Variants in RBFOX1 observed in about 807,000 individuals in gnomAD.
RBFOX1 encodes the protein RNA binding protein fox-1 homolog 1.
A neutral mutation model predicts 57.7 loss-of-function variants in RBFOX1; 8 were observed. The observed-to-expected ratio is 0.14, with a 90% CI of 0.08 to 0.25. RBFOX1 has a LOEUF of 0.25. Ranked by LOEUF, RBFOX1 falls within the 10% of genes least tolerant of loss-of-function variation. The pLI, the probability that RBFOX1 is intolerant of heterozygous loss-of-function variation, is 1.00. For synonymous variants in RBFOX1, 326 were observed against 222.4 expected (o/e 1.47, Z -4.15); for missense variants, 611 against 548.5 (o/e 1.11, Z -1.14).
intron 5 of RBFOX1, among the ~76,000 whole-genome samples, chr16:7,550,848 C>T (rs1286855678): frequency 1.3e-5 from 2 of 152,064 alleles, no homozygotes; most frequent in African/African-American, 4.8e-5. Context: ...AATCCGAACG[C>T]TTTGAGAGGC....
intron 1 of RBFOX1, among the ~76,000 whole-genome samples, chr16:5,391,342 A>G (rs2066401996): frequency 6.6e-6 from 1 of 152,024 alleles, no homozygotes; most frequent in Non-Finnish European, 1.5e-5. Flanking sequence ...TTTAGGGGAG[A>G]ATCCATTTCC....
At chr16:7,573,429 G>A (rs973061555) in intron 5 of RBFOX1, among the ~76,000 whole-genome samples, 3 of 152,026 alleles carry the variant, frequency 2.0e-5, no homozygotes, top group Non-Finnish European at 4.4e-5. Context: ...TTACTTTACT[G>A]ACTGCCCTCA....
chr16:7,189,191 C>G (rs557134188), intron 4 of RBFOX1, among the ~76,000 whole-genome samples: 1 of 151,740 alleles, frequency 6.6e-6, no homozygotes, highest in Admixed American at 6.6e-5. Context: ...TTTGGGAGGC[C>G]GACGTAGGTA....
chr16:6,818,989 T>C (rs1039016453), intron 3 of RBFOX1, among the ~76,000 whole-genome samples: 1 of 84,642 alleles, frequency 1.2e-5, no homozygotes. Context: ...TGTCTGAGAA[T>C]CAAACTTGAC....
At chr16:6,728,577 C>T (rs1328579190) in intron 3 of RBFOX1, among the ~76,000 whole-genome samples, 1 of 152,176 alleles carries the variant, frequency 6.6e-6, no homozygotes, top group Non-Finnish European at 1.5e-5. Flanking sequence ...AGCACAATTA[C>T]TCAATATAGG....
At chr16:7,708,600 C>A (rs1276417152) in intron 14 of RBFOX1, among the ~76,000 whole-genome samples, 1 of 152,202 alleles carries the variant, frequency 6.6e-6, no homozygotes, top group Non-Finnish European at 1.5e-5. Context: ...TAACTTCAGA[C>A]AGGTTCACTT....
At chr16:7,086,797 G>T (rs939509009) in intron 4 of RBFOX1, among the ~76,000 whole-genome samples, 3 of 151,906 alleles carry the variant, frequency 2.0e-5, no homozygotes, top group African/African-American at 7.3e-5. Flanking sequence ...CTTAGATTAG[G>T]AAGCCACAGA....
At chr16:5,752,463 A>G (rs1247028620) in intron 3 of RBFOX1, among the ~76,000 whole-genome samples, 1 of 152,224 alleles carries the variant, frequency 6.6e-6, no homozygotes, top group Non-Finnish European at 1.5e-5. Context: ...CACTATTGAA[A>G]CAATCAACTA....
At chr16:7,193,433 A>T (rs2085917285) in intron 4 of RBFOX1, among the ~76,000 whole-genome samples, 1 of 152,172 alleles carries the variant, frequency 6.6e-6, no homozygotes, top group Admixed American at 6.5e-5. Context: ...GAACTATAAG[A>T]TGGGTTGTTT....
intron 4 of RBFOX1, among the ~76,000 whole-genome samples, chr16:5,941,396 G>C (rs1218754357): frequency 6.6e-6 from 1 of 151,684 alleles, no homozygotes; most frequent in East Asian, 1.9e-4. Flanking sequence ...GGGCTAAGGT[G>C]GGTGGATCAC....
Position 7,054,452 on chromosome 16 carries a change from A to G in RBFOX1, c.27+2354A>G, listed in dbSNP as rs377424154. 2.0e-5 allele frequency among the ~76,000 whole-genome samples: 3 copies of G among 147,458 alleles called. No individual in the cohort carries two copies. In the East Asian group the frequency reaches 6.3e-4, roughly 31 times the overall value. On this transcript the variant is annotated intron_variant, in intron 4 of 15. Coordinates refer to ENST00000550418, the MANE Select transcript of RBFOX1 (RefSeq NM_018723.4). ...GAGATGGGGTTTCACCATGTTGGCC[A>G]GGATGGTCTCGATCTCCTGACCTCG... is the stretch of plus-strand genomic sequence containing the variant.
At chr16:5,732,404 A>T (rs1278718483) in intron 3 of RBFOX1, among the ~76,000 whole-genome samples, 1 of 152,222 alleles carries the variant, frequency 6.6e-6, no homozygotes, top group African/African-American at 2.4e-5. Flanking sequence ...ACTCAGGAGC[A>T]AGAAAGCTTA....
At chr16:7,218,983 G>T (rs1361229838) in intron 4 of RBFOX1, among the ~76,000 whole-genome samples, 1 of 152,092 alleles carries the variant, frequency 6.6e-6, no homozygotes, top group Non-Finnish European at 1.5e-5. Context: ...CCAAAAAACT[G>T]CCTGTTACAT....
intron 1 of RBFOX1, among the ~76,000 whole-genome samples, chr16:6,077,075 A>C (rs747146603): frequency 6.6e-6 from 1 of 152,190 alleles, no homozygotes; most frequent in African/African-American, 2.4e-5. Context: ...GTAAGCCTAG[A>C]TGGGTAATCC....
chr16:7,013,980 G>A (rs557702853), intron 3 of RBFOX1, among the ~76,000 whole-genome samples: 32 of 152,174 alleles, frequency 2.1e-4, no homozygotes, highest in Admixed American at 7.2e-4. Flanking sequence ...ACTCTATTCC[G>A]TACGTCAGTA....
chr16:6,194,100 A>G (rs191154456), intron 1 of RBFOX1, among the ~76,000 whole-genome samples: 26 of 152,266 alleles, frequency 1.7e-4, no homozygotes, highest in African/African-American at 6.0e-4. Flanking sequence ...GGAATTCCAC[A>G]TCTGGTCATC....
chr16:6,251,117 T>C (rs17139685), intron 1 of RBFOX1, among the ~76,000 whole-genome samples: 23,274 of 152,140 alleles, frequency 0.15, 1,918 homozygotes, highest in Middle Eastern at 0.29. Flanking sequence ...CAGCTCTTAA[T>C]CTTAATGACC....
At chr16:6,094,276 C>A (rs771786230) in intron 1 of RBFOX1, among the ~76,000 whole-genome samples, 3 of 152,136 alleles carry the variant, frequency 2.0e-5, no homozygotes, top group Non-Finnish European at 4.4e-5. Context: ...AGCCACCGTT[C>A]CAAAGGAAGA....
chr16:6,837,916 C>G (rs1307766442), intron 3 of RBFOX1, among the ~76,000 whole-genome samples: 2 of 152,022 alleles, frequency 1.3e-5, no homozygotes, highest in East Asian at 1.9e-4. Context: ...TTTACTGTCA[C>G]CATGGCAACA....
Sources: allele counts gnomAD v4.1 joint callset (sites outside exome capture counted in the v4.1 genomes callset), GRCh38; gene constraint gnomAD v4.1.1; transcripts MANE v1.5; gene names NCBI Gene and HGNC (gene_info 2026-07-23, HGNC 2026-07-21).